The following QTMAN variants were observed in gnomAD, a reference collection of about 807,000 sequenced individuals.
QTMAN encodes the protein tRNA-queuosine alpha-mannosyltransferase.
the QTMAN span, among the ~76,000 whole-genome samples, chr2:144,068,733 G>C: frequency 6.6e-6 from 1 of 152,128 alleles, no homozygotes. Context: ...CCAAAACAAA[G>C]ATTTTATACT....
At chr2:144,105,084 A>T in the QTMAN span, among the ~76,000 whole-genome samples, 1 of 152,246 alleles carries the variant, frequency 6.6e-6, no homozygotes, top group Non-Finnish European at 1.5e-5. Context: ...CAGAAAGGAC[A>T]TCCACAGCAA....
At chr2:144,044,672 T>A in the QTMAN span, among the ~76,000 whole-genome samples, 22 of 152,324 alleles carry the variant, frequency 1.4e-4, no homozygotes, top group African/African-American at 5.1e-4. Context: ...TCATAAAGAT[T>A]TTGCATTAGA....
chr2:144,012,028 T>A, the QTMAN span, among the ~76,000 whole-genome samples: 1 of 152,142 alleles, frequency 6.6e-6, no homozygotes, highest in Non-Finnish European at 1.5e-5. Context: ...TTAGAAATAT[T>A]CGGATTGCCA....
chr2:144,011,639 G>GC, the QTMAN span: 92 of 673,372 alleles, frequency 1.4e-4, no homozygotes, highest in South Asian at 2.2e-3. Flanking sequence ...TTCTATGCTA[G>GC]TAAAAAAAAA....
chr2:144,169,147 C>A, the QTMAN span, among the ~76,000 whole-genome samples: 5 of 152,078 alleles, frequency 3.3e-5, no homozygotes, highest in African/African-American at 9.7e-5. Context: ...ATTATAATCA[C>A]CTGAGAGATT....
At chr2:144,277,069 G>A in the QTMAN span, among the ~76,000 whole-genome samples, 1 of 152,150 alleles carries the variant, frequency 6.6e-6, no homozygotes, top group Non-Finnish European at 1.5e-5. Context: ...CTAGTATGAA[G>A]TAAGGCAGAC....
chr2:144,107,294 T>C, the QTMAN span, among the ~76,000 whole-genome samples: 2 of 152,054 alleles, frequency 1.3e-5, no homozygotes, highest in Non-Finnish European at 2.9e-5. Flanking sequence ...CAAAAAACCC[T>C]TCAAAAAATC....
the QTMAN span, among the ~76,000 whole-genome samples, chr2:144,144,032 A>C: frequency 2.0e-3 from 307 of 152,062 alleles, 1 homozygote; most frequent in African/African-American, 7.1e-3. Flanking sequence ...CCCCATTAAG[A>C]AGCCAACTGA....
the QTMAN span, among the ~76,000 whole-genome samples, chr2:144,329,890 C>T: frequency 6.6e-6 from 1 of 152,204 alleles, no homozygotes; most frequent in African/African-American, 2.4e-5. Flanking sequence ...ACCCACTACA[C>T]ATGATAACAG....
chr2:144,011,029 T>G, the QTMAN span, among the ~76,000 whole-genome samples: 1 of 152,084 alleles, frequency 6.6e-6, no homozygotes, highest in Non-Finnish European at 1.5e-5. Flanking sequence ...TAGATAACAA[T>G]CCGGTACTTG....
the QTMAN span, among the ~76,000 whole-genome samples, chr2:144,131,414 C>T: frequency 6.6e-6 from 1 of 151,812 alleles, no homozygotes; most frequent in Admixed American, 6.6e-5. Flanking sequence ...GCCAGTTCTC[C>T]AGTTCATCTC....
the QTMAN span, among the ~76,000 whole-genome samples, chr2:144,179,447 G>T: frequency 6.6e-6 from 1 of 152,098 alleles, no homozygotes; most frequent in African/African-American, 2.4e-5. Context: ...ATATTTTCAT[G>T]TTCAACCTTG....
chr2:144,138,198 G>A, the QTMAN span, among the ~76,000 whole-genome samples: 27 of 152,074 alleles, frequency 1.8e-4, no homozygotes, highest in Non-Finnish European at 7.4e-5. Flanking sequence ...GTGTCATGGT[G>A]TGTCAAATGC....
At chr2:144,153,163 T>C in the QTMAN span, among the ~76,000 whole-genome samples, 2 of 152,282 alleles carry the variant, frequency 1.3e-5, no homozygotes, top group East Asian at 3.9e-4. Context: ...CCCAGAAGTA[T>C]CCAGATGCAG....
chr2:143,990,674 A>G, the QTMAN span, among the ~76,000 whole-genome samples: 1 of 152,318 alleles, frequency 6.6e-6, no homozygotes, highest in East Asian at 1.9e-4. Context: ...GGAGAAATCC[A>G]GATACAATTC....
the QTMAN span, among the ~76,000 whole-genome samples, chr2:144,149,466 T>G: frequency 6.6e-6 from 1 of 152,040 alleles, no homozygotes; most frequent in Non-Finnish European, 1.5e-5. Flanking sequence ...CTTATTACCA[T>G]GCTACTACAG....
chr2:144,069,022 A>G, the QTMAN span, among the ~76,000 whole-genome samples: 2 of 152,176 alleles, frequency 1.3e-5, no homozygotes, highest in Non-Finnish European at 2.9e-5. Flanking sequence ...AAAGATATTC[A>G]GCCTTTTTAA....
chr2:144,220,669 C>CAT, the QTMAN span, among the ~76,000 whole-genome samples: 1 of 152,208 alleles, frequency 6.6e-6, no homozygotes, highest in Non-Finnish European at 1.5e-5. Flanking sequence ...TAGTTAATTC[C>CAT]CCCTTGCATC....
chr2:144,142,314 G>A, the QTMAN span, among the ~76,000 whole-genome samples: 1 of 151,916 alleles, frequency 6.6e-6, no homozygotes. Flanking sequence ...GGGATCGCAT[G>A]AGACTCCAAA....
Sources: gnomAD v4.1 joint callset for allele counts (sites outside exome capture counted in the v4.1 genomes callset) on GRCh38, gnomAD v4.1.1 for gene constraint, MANE v1.5 for transcripts, NCBI Gene and HGNC (gene_info 2026-07-23, HGNC 2026-07-21) for gene names.